Variants in MAP2K5 observed in about 807,000 individuals in gnomAD.
The protein encoded by MAP2K5 is mitogen-activated protein kinase kinase 5.
Under a neutral mutation model 83.1 loss-of-function variants are expected in MAP2K5, and 49 were observed. That is an observed-to-expected ratio of 0.59 (90% CI 0.47 to 0.75). The LOEUF is 0.75. Among genes scored for constraint, MAP2K5 ranks in the 30% least tolerant of loss-of-function variants. MAP2K5 has a pLI of 0.00. For synonymous variants in MAP2K5, 202 were observed against 191.8 expected (o/e 1.05, Z -0.44); for missense variants, 457 against 557.5 (o/e 0.82, Z 1.82).
chr15:67,641,725 A>G, intron 9 of MAP2K5: 1 of 626,332 alleles, frequency 1.6e-6, no homozygotes, highest in South Asian at 6.9e-5. Flanking sequence ...TTCCAGTTTG[A>G]AACATTTAGC....
intron 13 of MAP2K5, among the ~76,000 whole-genome samples, chr15:67,666,152 G>A (rs2087372510): frequency 6.6e-6 from 1 of 152,202 alleles, no homozygotes; most frequent in African/African-American, 2.4e-5. Context: ...GTTAGAAAGT[G>A]AGTGTTAGGA....
chr15:67,802,499 C>G lies in MAP2K5; in HGVS notation c.1243-4147C>G, dbSNP rs2090724277. Among the ~76,000 whole-genome samples, 1 of 152,204 alleles carries G rather than the reference C, an allele frequency of 6.6e-6. No homozygotes were observed. Among genetic ancestry groups the G allele is most frequent in the Non-Finnish European group, 1.5e-5 (1 of 68,046 alleles). ...CAACTTCTGTGGCAAAGTCTGTGGA[C>G]TATAATAACTTCAACCCTCGTCAGT... On this transcript the variant is annotated intron_variant, in intron 21 of 21. Transcript: ENST00000178640. This position sits in a 1 kb window ranked among gnomAD's most constrained non-coding sequence, Gnocchi z 5.0.
intron 13 of MAP2K5, 112 bp downstream of exon 13, chr15:67,664,757 G>GCT: frequency 3.2e-6 from 2 of 629,568 alleles, no homozygotes; most frequent in South Asian, 2.4e-5. Flanking sequence ...GATACATCTG[G>GCT]TACTCAAAAA....
rs540226898 is a variant in MAP2K5, at chr15:67,742,138, G to A, written c.1075-6093G>A. On this transcript the variant is annotated intron_variant, in intron 17 of 21. Transcript: ENST00000178640. Reference sequence around the variant, plus strand: ...CATGATCTGCCCTCGTGATCCGCCCGCCTCAGCCTCCCAAAGTGCTGGGAT... The same window carrying A: ...CATGATCTGCCCTCGTGATCCGCCCACCTCAGCCTCCCAAAGTGCTGGGAT... Among the ~76,000 whole-genome samples the A allele has an allele frequency of 1.1e-4, 16 of 152,268 alleles. No homozygotes were observed. In the East Asian group the frequency reaches 1.9e-3, roughly 18 times the overall value.
At chr15:67,602,087 G>A (rs2085670329) in intron 8 of MAP2K5, among the ~76,000 whole-genome samples, 1 of 152,232 alleles carries the variant, frequency 6.6e-6, no homozygotes, top group Admixed American at 6.5e-5. Flanking sequence ...GAGGTCCAAT[G>A]TGTCTAATGA....
chr15:67,754,758 C>T (rs947245560), intron 19 of MAP2K5, among the ~76,000 whole-genome samples: 1 of 152,048 alleles, frequency 6.6e-6, no homozygotes, highest in African/African-American at 2.4e-5. Flanking sequence ...TGTGAGGCAG[C>T]TTTGAAGACT....
At chr15:67,597,781 A>G (rs565923087) in intron 7 of MAP2K5, among the ~76,000 whole-genome samples, 2 of 152,328 alleles carry the variant, frequency 1.3e-5, no homozygotes, top group African/African-American at 4.8e-5. Flanking sequence ...TTTGTAATCA[A>G]TTCTTGGGCT....
At position 67,802,544 on chromosome 15, in the gene MAP2K5, C is replaced by T. The variant is rs111631060; in HGVS notation, c.1243-4102C>T. 1.0e-2 allele frequency among the ~76,000 whole-genome samples: 1,516 copies of T among 152,334 alleles called. 12 individuals are homozygous for T. Among genetic ancestry groups the T allele is most frequent in the Middle Eastern group, 0.068 (20 of 294 alleles). On this transcript the variant is annotated intron_variant, in intron 21 of 21. Coordinates refer to ENST00000178640, the MANE Select transcript of MAP2K5 (RefSeq NM_145160.3). The surrounding 1 kb of genome is among the most constrained non-coding windows in gnomAD (Gnocchi z 5.0). The stretch of plus-strand genomic sequence containing the variant: ...GTCAGTTTAATTGTTGCAATTGGCC[C>T]TCAGAGAATCCAGGGAATGAGAGTG...
At chr15:67,631,945 C>G (rs1240111687) in intron 9 of MAP2K5, among the ~76,000 whole-genome samples, 4 of 151,964 alleles carry the variant, frequency 2.6e-5, no homozygotes, top group South Asian at 2.1e-4. Flanking sequence ...TTCAGACCCT[C>G]TACATATTGG....
rs150277173 is a variant in MAP2K5, at chr15:67,691,018, A to T, written c.848-1461A>T. Reference sequence around the variant, plus strand: ...TGCCTGTGCATACCAACTTGAATTCATAGAGCCTCCCAATAGAGGTTATAG... The same window carrying T: ...TGCCTGTGCATACCAACTTGAATTCTTAGAGCCTCCCAATAGAGGTTATAG... On this transcript the variant is annotated intron_variant, in intron 13 of 21. Coordinates refer to ENST00000178640, the MANE Select transcript of MAP2K5 (RefSeq NM_145160.3). Among the ~76,000 whole-genome samples, 33 of 152,340 alleles carry T rather than the reference A, an allele frequency of 2.2e-4. No homozygotes were observed. In the South Asian group the frequency reaches 6.6e-3, roughly 31 times the overall value.
chr15:67,588,350 C>CT (rs1451737225), intron 6 of MAP2K5, among the ~76,000 whole-genome samples: 1 of 152,156 alleles, frequency 6.6e-6, no homozygotes, highest in Admixed American at 6.5e-5. Context: ...CCTTGGTTAT[C>CT]TTTGAGGACT....
At chr15:67,692,715 G>A (rs558275554) in intron 14 of MAP2K5, among the ~76,000 whole-genome samples, 163 bp downstream of exon 14, 1 of 152,274 alleles carries the variant, frequency 6.6e-6, no homozygotes, top group South Asian at 2.1e-4. Flanking sequence ...CTCTGAGCGA[G>A]TTTCCTTCAT....
chr15:67,768,257 T>C lies in MAP2K5; in HGVS notation c.1135-1345T>C, dbSNP rs1375622662. Among the ~76,000 whole-genome samples the C allele has an allele frequency of 6.6e-6, 1 of 152,216 alleles. No individual in the cohort carries two copies. Among genetic ancestry groups the C allele is most frequent in the Non-Finnish European group, 1.5e-5 (1 of 68,036 alleles). On this transcript the variant is annotated intron_variant, in intron 19 of 21. Coordinates refer to ENST00000178640, the MANE Select transcript of MAP2K5 (RefSeq NM_145160.3). This position sits in a 1 kb window ranked among gnomAD's most constrained non-coding sequence, Gnocchi z 4.0. ...ATTGGCCACAGCAATTATATGTATA[T>C]TTACTAATCACATAGGAGGCTGTGC...
At chr15:67,680,742 A>C (rs1048411980) in intron 13 of MAP2K5, among the ~76,000 whole-genome samples, 1 of 152,228 alleles carries the variant, frequency 6.6e-6, no homozygotes, top group Non-Finnish European at 1.5e-5. Context: ...GCTGCAACTC[A>C]AAGATTTATT....
chr15:67,700,805 G>C (rs1015263651), intron 15 of MAP2K5, among the ~76,000 whole-genome samples: 1 of 151,640 alleles, frequency 6.6e-6, no homozygotes, highest in Non-Finnish European at 1.5e-5. Context: ...CAGTAATCTT[G>C]TTTCATTAGC....
At chr15:67,752,905 A>G (rs2089754338) in intron 19 of MAP2K5, among the ~76,000 whole-genome samples, 1 of 152,178 alleles carries the variant, frequency 6.6e-6, no homozygotes, top group South Asian at 2.1e-4. Context: ...TTGAAAAAAA[A>G]AAAAAGAAAA....
intron 15 of MAP2K5, among the ~76,000 whole-genome samples, chr15:67,700,501 C>A (rs1295090740): frequency 1.3e-5 from 2 of 152,260 alleles, no homozygotes; most frequent in East Asian, 3.9e-4. Context: ...GATATTCTGT[C>A]AACAACATGG....
At chr15:67,805,069 A>G (rs1203385230) in intron 21 of MAP2K5, among the ~76,000 whole-genome samples, 3 of 152,104 alleles carry the variant, frequency 2.0e-5, no homozygotes, top group Non-Finnish European at 2.9e-5. Context: ...TGAGCAGATT[A>G]TGGGAAGTAC....
chr15:67,663,447 TC>T (rs1454058549), intron 12 of MAP2K5, among the ~76,000 whole-genome samples: 2 of 152,324 alleles, frequency 1.3e-5, no homozygotes, highest in Admixed American at 6.5e-5. Flanking sequence ...CCTAAACACT[TC>T]CTTTTCTTTT....
Sources: allele counts gnomAD v4.1 joint callset (sites outside exome capture counted in the v4.1 genomes callset), GRCh38; gene constraint gnomAD v4.1.1; non-coding constraint Gnocchi (gnomAD v3.1); transcripts MANE v1.5; gene names NCBI Gene and HGNC (gene_info 2026-07-23, HGNC 2026-07-21).